DNAH1: variants seen among roughly 807,000 people sequenced by gnomAD.
DNAH1 encodes the protein axonemal beta dynein heavy chain 1.
Under a neutral mutation model 484.3 loss-of-function variants are expected in DNAH1, and 327 were observed. The observed-to-expected ratio is 0.68, with a 90% CI of 0.62 to 0.74. The LOEUF (loss-of-function observed/expected upper bound fraction) is 0.74. Among genes scored for constraint, DNAH1 ranks in the 30% least tolerant of loss-of-function variants. DNAH1 has a pLI of 0.00. For synonymous variants in DNAH1, 2,192 were observed against 2,191.9 expected, an observed-to-expected ratio of 1.00 and a Z score of 0.00; for missense variants, 5,052 against 5,546.8, an observed-to-expected ratio of 0.91 and a Z score of 2.83.
intron 12 of DNAH1, 86 bp downstream of exon 12, chr3:52,348,060 A>G: frequency 7.1e-7 from 1 of 1,408,058 alleles, no homozygotes; most frequent in Non-Finnish European, 9.6e-7. Flanking sequence ...GCCACAGTTC[A>G]ACTGTATCAC....
At chr3:52,325,998 C>T (rs1181738614) in intron 3 of DNAH1, 142 bp from the exon 4 acceptor site, 6 of 790,436 alleles carry the variant, frequency 7.6e-6, no homozygotes, top group Non-Finnish European at 1.1e-5. Context: ...GTTCTCCCAG[C>T]CACTGCCCAG....
Position 52,345,613 on chromosome 3 carries a change from C to T in DNAH1, c.1563C>T (p.Asn521=). ...TALSKVRAEC[N]KVTAMSLFHS... ...TCAGCAAGGTGAGGGCCGAGTGCAA[C>T]AAGGTGACCGCCATGTCCCTGTTCC... The change falls in exon 10 of 78, where the codon AAC becomes AAT. Residue 521 remains asparagine, a synonymous_variant. Coordinates refer to ENST00000420323, the MANE Select transcript of DNAH1 (RefSeq NM_015512.5). 6.2e-7 allele frequency: 1 copy of T among 1,608,372 alleles called. No homozygotes were observed. The highest frequency in any genetic ancestry group is 2.2e-5 in the East Asian group (1 of 44,636).
chr3:52,378,526 CAAG>C, intron 46 of DNAH1, 73 bp from the exon 47 acceptor site: 2 of 1,493,928 alleles, frequency 1.3e-6, no homozygotes, highest in Non-Finnish European at 1.8e-6. Context: ...ACAGCAAAGG[CAAG>C]GAGGTCAGGA....
In DNAH1 at chr3:52,349,405, T is replaced by C. The variant is rs1051006511; in HGVS notation, c.2511T>C (p.His837=). The C allele has an allele frequency of 6.2e-7, 1 of 1,613,644 alleles. No individual in the cohort carries two copies. Among genetic ancestry groups the C allele is most frequent in the African/African-American group, 1.3e-5 (1 of 74,916 alleles). Residue 837 remains histidine, a synonymous_variant, in exon 14 of 78, where the codon CAT becomes CAC. Transcript: ENST00000420323. ...TGGACATCCTTGCCAAGAACCTGCA[T>C]AAGGAGGTGGATAGCGTAAGTGCCC... ...SVLDILAKNL[H]KEVDSICEEF...
chr3:52,394,788 C>T (rs538601787), intron 67 of DNAH1, 127 bp downstream of exon 67: 3 of 1,488,460 alleles, frequency 2.0e-6, no homozygotes, highest in African/African-American at 2.8e-5. Flanking sequence ...CACATCTCCT[C>T]TGTGCCTCCA....
At position 52,396,655 on chromosome 3, in the gene DNAH1, T is replaced by G. The variant is rs1396683956; in HGVS notation, c.11468T>G (p.Leu3823Trp). 1 of 1,613,694 alleles carries G rather than the reference T, an allele frequency of 6.2e-7. No individual in the cohort carries two copies. Among genetic ancestry groups the G allele is most frequent in the Admixed American group, 1.7e-5 (1 of 60,018 alleles). The stretch of plus-strand genomic sequence containing the variant: ...AAGTCTCTGCTGCTGTCTCTGTGCT[T>G]GTTCCATGGGAACGCCCTGGAGCGC... ...EFKSLLLSLC[L>W]FHGNALERRK... is the part of the protein sequence containing the mutation. Residue 3823 changes from leucine (L) to tryptophan (W), a missense_variant, in exon 72 of 78, where the codon TTG (leucine) becomes TGG (tryptophan). This residue lies in a region of DNAH1 where 853 missense variants were observed against 899.0 expected (regional missense o/e 0.95). Transcript: ENST00000420323.
At chr3:52,342,867 G>A (rs1408495463) in intron 8 of DNAH1, among the ~76,000 whole-genome samples, 1 of 152,236 alleles carries the variant, frequency 6.6e-6, no homozygotes, top group African/African-American at 2.4e-5. Flanking sequence ...ATAAATGAAG[G>A]GAGAGAACTG....
At position 52,370,774 on chromosome 3, in the gene DNAH1, G is replaced by A. The variant is rs371470583; in HGVS notation, c.6474G>A (p.Ala2158=). The A allele has an allele frequency of 5.7e-4, 911 of 1,607,464 alleles. 3 individuals carry two copies. The highest frequency in any genetic ancestry group is 7.4e-4 in the Non-Finnish European group (866 of 1,177,470). ...GLVFDYRLED[A]GISGTNDSED... The stretch of plus-strand genomic sequence containing the variant: ...TGTTCGATTACAGGCTGGAGGACGC[G>A]GGCATCAGTGGCACCAACGACAGTG... The change falls in exon 41 of 78, where the codon GCG becomes GCA. Residue 2158 remains alanine (A), a synonymous_variant. Coordinates refer to ENST00000420323, the MANE Select transcript of DNAH1 (RefSeq NM_015512.5).
intron 48 of DNAH1, 77 bp downstream of exon 48, chr3:52,380,212 A>G (rs1309958100): frequency 7.8e-7 from 1 of 1,289,042 alleles, no homozygotes. Flanking sequence ...GGCCCCCTGC[A>G]GTCACCACTA....
At chr3:52,387,994 C>T (rs959715214) in intron 56 of DNAH1, among the ~76,000 whole-genome samples, 173 bp from the exon 57 acceptor site, 1 of 152,184 alleles carries the variant, frequency 6.6e-6, no homozygotes, top group African/African-American at 2.4e-5. Flanking sequence ...CAAAGATTAC[C>T]TTCTGGCCAG....
rs966809730 is a variant in DNAH1, at chr3:52,351,892, C to G, written c.2730-70C>G. 2.6e-6 allele frequency: 4 copies of G among 1,541,800 alleles called. No homozygotes were observed. In the African/African-American group the frequency reaches 5.5e-5, roughly 21 times the overall value. On this transcript the variant is annotated intron_variant, in intron 16 of 77. Transcript: ENST00000420323. Reference sequence around the variant, plus strand: ...TGCCTGGGTGCCTGGTGGGATGCCCCTGCCTGGTCTTGCCACTCCACCACT... The same window carrying G: ...TGCCTGGGTGCCTGGTGGGATGCCCGTGCCTGGTCTTGCCACTCCACCACT...
chr3:52,374,236 A>T lies in DNAH1; in HGVS notation c.6986-1004A>T, dbSNP rs1703484888. On this transcript the variant is annotated intron_variant, in intron 44 of 77. Coordinates refer to ENST00000420323, the MANE Select transcript of DNAH1 (RefSeq NM_015512.5). ...ATAATGGCATAGCAGAGTTACTGGA[A>T]ATATTGGGAAGTATAATTAATGGAT... 3.5e-6 allele frequency: 5 copies of T among 1,433,768 alleles called. No homozygotes were observed. The South Asian group carries it at 5.7e-5, about 16-fold the overall frequency. 88.8% of individuals were successfully genotyped at this position (1,433,768 alleles called of 1,614,324 possible).
chr3:52,384,840 C>T lies in DNAH1; in HGVS notation c.8377C>T (p.Leu2793=). 6.2e-7 allele frequency: 1 copy of T among 1,603,612 alleles called. No individual in the cohort carries two copies. The change falls in exon 53 of 78, where the codon CTG becomes TTG. Residue 2793 remains leucine, a synonymous_variant. Coordinates refer to ENST00000420323, the MANE Select transcript of DNAH1 (RefSeq NM_015512.5). ...QSVSKKCIEY[L]AELTRHNYVT... is the part of the protein sequence containing the mutation. ...GGTGTCCAAGAAGTGCATCGAGTAC[C>T]TGGCAGAGCTGACCCGCCACAACTA... is the stretch of plus-strand genomic sequence containing the variant.
At chr3:52,335,814 A>G (rs1701723309) in intron 8 of DNAH1, among the ~76,000 whole-genome samples, 1 of 151,866 alleles carries the variant, frequency 6.6e-6, no homozygotes, top group Admixed American at 6.6e-5. Context: ...TTGTATTTTT[A>G]GTAGAGACGG....
rs530142893 is a variant in DNAH1, at chr3:52,345,838, CAA to C, written c.1656+135_1656+136del. Reference sequence around the variant, plus strand: ...TGAGGCTGTGAGCCCCTGCTTTTCTCAAAACCTGGCCTCAGCCTCTTCCTAGA... The same window carrying C: ...TGAGGCTGTGAGCCCCTGCTTTTCTCAACCTGGCCTCAGCCTCTTCCTAGA... On this transcript the variant is annotated intron_variant, in intron 10 of 77. Transcript: ENST00000420323. 1,127 of 955,210 alleles carry C rather than the reference CAA, an allele frequency of 1.2e-3. 5 individuals carry two copies. The highest frequency in any genetic ancestry group is 8.8e-4 in the Non-Finnish European group (570 of 644,734). The allele number at this position is 955,210 out of a possible 1,614,324, so 59.2% of individuals were successfully genotyped here. A position where few individuals can be genotyped will look rare whatever the true frequency, so the allele number is the denominator to read the frequency against.
rs1428997367 is a variant in DNAH1 at position 52,395,197 on chromosome 3, C to T, written c.10969-111C>T. 5 of 1,484,962 alleles carry T rather than the reference C, an allele frequency of 3.4e-6. No individual in the cohort carries two copies. Among genetic ancestry groups the T allele is most frequent in the Non-Finnish European group, 4.5e-6 (5 of 1,105,010 alleles). 92.0% of individuals were successfully genotyped at this position (1,484,962 alleles called of 1,614,324 possible). ...CTCCCTAAAGGCTCTGAGGTTCCAG[C>T]CCCCACCAGGAAGCCCACTGGGGAC... On this transcript the variant is annotated intron_variant, in intron 68 of 77. Transcript: ENST00000420323. The surrounding 1 kb of genome is among the most constrained non-coding windows in gnomAD (Gnocchi z 4.4).
chr3:52,380,880 A>C (rs1305950864), intron 48 of DNAH1, among the ~76,000 whole-genome samples: 1 of 152,204 alleles, frequency 6.6e-6, no homozygotes, highest in East Asian at 1.9e-4. Flanking sequence ...CCAAAGAAAG[A>C]AGCATTGAAT....
In DNAH1 at chr3:52,332,304, C is replaced by T. The variant is rs1701586163; in HGVS notation, c.1196C>T (p.Pro399Leu). ...TACAACTTGTATGTGGACTGCATGC[C>T]CTCTGACGGCCAGCATGTCATCAGT... ...LLYNLYVDCM[P>L]SDGQHVISEQ... The change falls in exon 8 of 78, where the codon CCC (proline) becomes CTC (leucine). Residue 399 changes from proline to leucine, a missense_variant. Physicochemically the swap from Pro to Leu is moderately conservative, Grantham distance 98 (BLOSUM62 -3). This residue lies in a region of DNAH1 where 1,263 missense variants were observed against 1,218.8 expected (regional missense o/e 1.04). Transcript: ENST00000420323. 6.2e-7 allele frequency: 1 copy of T among 1,614,070 alleles called. No individual in the cohort carries two copies. Among genetic ancestry groups the T allele is most frequent in the East Asian group, 2.2e-5 (1 of 44,886 alleles).
chr3:52,366,324 C>G (rs1703070513), intron 34 of DNAH1, 133 bp from the exon 35 acceptor site: 1 of 697,990 alleles, frequency 1.4e-6, no homozygotes, highest in African/African-American at 1.8e-5. Flanking sequence ...GGTGCTACCA[C>G]CATCCTCATT....
Sources: allele counts gnomAD v4.1 joint callset (sites outside exome capture counted in the v4.1 genomes callset), GRCh38; gene constraint gnomAD v4.1.1; regional missense constraint gnomAD v4.1.1; non-coding constraint Gnocchi (gnomAD v3.1); transcripts MANE v1.5; gene names NCBI Gene and HGNC (gene_info 2026-07-23, HGNC 2026-07-21).